PHLDB2: variants seen among roughly 807,000 people sequenced by gnomAD.
PHLDB2 encodes the protein pleckstrin homology-like domain family B member 2.
A neutral mutation model predicts 123.6 loss-of-function variants in PHLDB2; 71 were observed. That is an observed-to-expected ratio of 0.57 (90% CI 0.47 to 0.70). The LOEUF (loss-of-function observed/expected upper bound fraction) is 0.70. PHLDB2 is among the 30% of genes least tolerant of loss of function. PHLDB2 has a pLI of 0.00. For synonymous variants in PHLDB2, 547 were observed against 541.6 expected (o/e 1.01, Z -0.14); for missense variants, 1,446 against 1,519.5 (o/e 0.95, Z 0.80).
At chr3:111,839,128 A>G (rs1445831304) in intron 1 of PHLDB2, among the ~76,000 whole-genome samples, 2 of 152,130 alleles carry the variant, frequency 1.3e-5, no homozygotes, top group Non-Finnish European at 2.9e-5. Context: ...CCTGGTACTG[A>G]GAGGGTGCAA....
Position 111,884,570 on chromosome 3 carries a change from G to C in PHLDB2, c.493G>C (p.Gly165Arg). Residue 165 changes from glycine to arginine, a missense_variant, in exon 2 of 18, where the codon GGA becomes CGA. Coordinates refer to ENST00000431670, the MANE Select transcript of PHLDB2 (RefSeq NM_001134438.2). ...HKSHDNVYSL[G>R]GLEGRKASGS... ...ATCGCATGACAATGTCTACTCTCTT[G>C]GAGGGCTGGAAGGTCGGAAGGCATC... The C allele has an allele frequency of 6.2e-7, 1 of 1,614,092 alleles. No individual in the cohort carries two copies. Among genetic ancestry groups the C allele is most frequent in the African/African-American group, 1.3e-5 (1 of 75,030 alleles).
intron 1 of PHLDB2, among the ~76,000 whole-genome samples, chr3:111,739,251 G>C (rs1234877432): frequency 1.3e-5 from 2 of 152,116 alleles, no homozygotes; most frequent in Non-Finnish European, 2.9e-5. Context: ...TTATAAATTG[G>C]TGAGTCTGGG....
In PHLDB2 at chr3:111,734,849, G is replaced by A. The variant is rs377466152; in HGVS notation, c.-49+2146G>A. Among the ~76,000 whole-genome samples the A allele has an allele frequency of 6.6e-5, 10 of 152,294 alleles. No individual in the cohort carries two copies. In the South Asian group the frequency reaches 1.2e-3, roughly 19 times the overall value. ...GAGGTAAGCAAGGCTGACTAATACA[G>A]TCAGAAGTTCTGAAGTTCTCCACTG... On this transcript the variant is annotated intron_variant, in intron 1 of 17. Transcript: ENST00000393923.
chr3:111,951,893 T>C (rs1165149916), intron 10 of PHLDB2, among the ~76,000 whole-genome samples: 1 of 152,158 alleles, frequency 6.6e-6, no homozygotes, highest in Non-Finnish European at 1.5e-5. Context: ...TAAAGACATT[T>C]CTAGGGTGAG....
chr3:111,797,387 G>A (rs1008581868), intron 1 of PHLDB2, among the ~76,000 whole-genome samples: 4 of 152,194 alleles, frequency 2.6e-5, no homozygotes, highest in Non-Finnish European at 5.9e-5. Flanking sequence ...AGTAGTTATT[G>A]TGGGTTATAG....
chr3:111,780,402 A>G (rs1032136921), intron 1 of PHLDB2, among the ~76,000 whole-genome samples: 10 of 145,918 alleles, frequency 6.9e-5, no homozygotes, highest in East Asian at 2.0e-4. Context: ...AAGAAGAAGA[A>G]GAAGAAGAAA....
intron 2 of PHLDB2, 38 bp downstream of exon 2, chr3:111,885,450 C>T (rs1478802793): frequency 6.2e-7 from 1 of 1,612,558 alleles, no homozygotes; most frequent in Non-Finnish European, 8.5e-7. Context: ...CTCACTGTTT[C>T]ATTAACCAGC....
chr3:111,918,329 A>C (rs2068296990), intron 3 of PHLDB2, among the ~76,000 whole-genome samples: 1 of 152,176 alleles, frequency 6.6e-6, no homozygotes, highest in Non-Finnish European at 1.5e-5. Context: ...CCATGAAATA[A>C]TTTTATGAAT....
chr3:111,894,461 T>A (rs1186693557), intron 2 of PHLDB2, among the ~76,000 whole-genome samples: 1 of 151,944 alleles, frequency 6.6e-6, no homozygotes, highest in Non-Finnish European at 1.5e-5. Context: ...GTATTTCTAG[T>A]TCTAGATCCC....
At chr3:111,752,920 T>C (rs1473921813) in intron 1 of PHLDB2, among the ~76,000 whole-genome samples, 1 of 152,098 alleles carries the variant, frequency 6.6e-6, no homozygotes, top group Non-Finnish European at 1.5e-5. Context: ...GTTCTTGTGA[T>C]AGTTTACTGA....
At chr3:111,809,256 C>T (rs2061727236) in intron 1 of PHLDB2, among the ~76,000 whole-genome samples, 1 of 152,148 alleles carries the variant, frequency 6.6e-6, no homozygotes, top group South Asian at 2.1e-4. Context: ...TTCACATAAA[C>T]CAGATGTGCC....
chr3:111,913,673 G>T lies in PHLDB2; in HGVS notation c.1690G>T (p.Glu564Ter). The change falls in exon 3 of 18, where the codon GAG becomes TAG. Residue 564 changes from glutamate (E) to a stop codon, truncating the protein, a stop_gained. Coordinates refer to ENST00000431670, the MANE Select transcript of PHLDB2 (RefSeq NM_001134438.2). LOFTEE classifies it high-confidence loss of function. ...CTCCACCTTTCCGAAAGCTTCCAGC[G>T]AGTCCTCTTATCTAAGTATCCTACC... ...PSSTFPKASS[E>*]SSYLSILPKT... 1 of 1,613,248 alleles carries T rather than the reference G, an allele frequency of 6.2e-7. No individual in the cohort carries two copies. The highest frequency in any genetic ancestry group is 1.1e-5 in the South Asian group (1 of 90,986).
chr3:111,744,061 A>G (rs1189636910), intron 1 of PHLDB2, among the ~76,000 whole-genome samples: 1 of 152,202 alleles, frequency 6.6e-6, no homozygotes, highest in Non-Finnish European at 1.5e-5. Flanking sequence ...AAACAGACGA[A>G]AGGTTACTGT....
intron 6 of PHLDB2, among the ~76,000 whole-genome samples, chr3:111,933,781 A>AT (rs1000505776): frequency 4.6e-5 from 7 of 152,038 alleles, no homozygotes; most frequent in East Asian, 1.9e-4. Context: ...GGGAAAACTG[A>AT]TTTTTTTTAC....
At chr3:111,821,378 C>G (rs2062372703) in intron 1 of PHLDB2, among the ~76,000 whole-genome samples, 2 of 152,060 alleles carry the variant, frequency 1.3e-5, no homozygotes, top group Non-Finnish European at 2.9e-5. Context: ...GAGAGACAGA[C>G]AGAGAGAGAT....
chr3:111,849,533 T>C (rs1420128445), intron 2 of PHLDB2, among the ~76,000 whole-genome samples: 1 of 152,206 alleles, frequency 6.6e-6, no homozygotes. Flanking sequence ...GGAATCAAGC[T>C]CTGGAAATTA....
chr3:111,865,310 T>G (rs1044973548), intron 1 of PHLDB2, among the ~76,000 whole-genome samples: 1 of 152,220 alleles, frequency 6.6e-6, no homozygotes, highest in Non-Finnish European at 1.5e-5. Context: ...TTACCATAAC[T>G]CTGACCAGGC....
intron 1 of PHLDB2, among the ~76,000 whole-genome samples, chr3:111,776,676 G>A (rs908924321): frequency 2.0e-5 from 3 of 152,198 alleles, no homozygotes; most frequent in Admixed American, 6.6e-5. Context: ...GCCTGCATAA[G>A]AGTGCCAAGG....
intron 2 of PHLDB2, among the ~76,000 whole-genome samples, chr3:111,904,438 C>G (rs1179798846): frequency 2.0e-5 from 3 of 151,904 alleles, no homozygotes; most frequent in African/African-American, 7.3e-5. Context: ...CCTAATTTTC[C>G]TGGGGAAAGT....
Sources: gnomAD v4.1 joint callset for allele counts (sites outside exome capture counted in the v4.1 genomes callset) on GRCh38, gnomAD v4.1.1 for gene constraint, MANE v1.5 for transcripts, NCBI Gene and HGNC (gene_info 2026-07-23, HGNC 2026-07-21) for gene names.